CFAP299: variants seen among roughly 807,000 people sequenced by gnomAD.
CFAP299 encodes cilia and flagella associated protein 299, also known as cilia- and flagella-associated protein 299.
Under a neutral mutation model 27.0 loss-of-function variants are expected in CFAP299, and 21 were observed. The ratio of observed to expected loss-of-function variants is 0.78; its 90% confidence interval spans 0.55 to 1.12. The LOEUF (loss-of-function observed/expected upper bound fraction) is 1.12. CFAP299 is among the 50% of genes most tolerant of loss of function. CFAP299 has a pLI of 0.00. For synonymous variants in CFAP299, 104 were observed against 98.1 expected (o/e 1.06, Z -0.36); for missense variants, 310 against 276.6 (o/e 1.12, Z -0.86).
At chr4:80,953,424 G>T (rs999568101) in intron 5 of CFAP299, among the ~76,000 whole-genome samples, 2 of 152,096 alleles carry the variant, frequency 1.3e-5, no homozygotes, top group Non-Finnish European at 2.9e-5. Context: ...TCTCCTCTGG[G>T]TAATCACCTG....
intron 4 of CFAP299, among the ~76,000 whole-genome samples, chr4:80,925,827 T>C (rs1272694178): frequency 6.6e-6 from 1 of 152,102 alleles, no homozygotes; most frequent in African/African-American, 2.4e-5. Context: ...GAACATTTAT[T>C]GGAACTGGCC....
At chr4:80,669,833 C>T (rs1474345535) in intron 3 of CFAP299, among the ~76,000 whole-genome samples, 1 of 151,318 alleles carries the variant, frequency 6.6e-6, no homozygotes, top group Non-Finnish European at 1.5e-5. Context: ...GGGTTTATTG[C>T]CTTCATTATT....
chr4:80,549,268 A>G (rs1399485839), intron 2 of CFAP299, among the ~76,000 whole-genome samples: 1 of 152,162 alleles, frequency 6.6e-6, no homozygotes, highest in East Asian at 1.9e-4. Context: ...ATGCTATTAT[A>G]ATAAACATAA....
intron 1 of CFAP299, among the ~76,000 whole-genome samples, chr4:80,342,588 G>C (rs770505285): frequency 3.9e-5 from 6 of 152,120 alleles, no homozygotes; most frequent in Non-Finnish European, 7.4e-5. Flanking sequence ...TAGCACAGGA[G>C]AAATAAGATC....
chr4:80,643,001 TAA>T (rs1310538756), intron 3 of CFAP299, among the ~76,000 whole-genome samples: 1 of 151,250 alleles, frequency 6.6e-6, no homozygotes, highest in Non-Finnish European at 1.5e-5. Context: ...GACGTTAAAT[TAA>T]AAGAGATGTA....
At chr4:80,868,639 C>T (rs1214378353) in intron 3 of CFAP299, among the ~76,000 whole-genome samples, 3 of 152,168 alleles carry the variant, frequency 2.0e-5, no homozygotes, top group Non-Finnish European at 2.9e-5. Flanking sequence ...CCCTGCTCTC[C>T]TCTCTGGGTT....
At chr4:80,663,297 C>A (rs1449280970) in intron 3 of CFAP299, among the ~76,000 whole-genome samples, 1 of 151,978 alleles carries the variant, frequency 6.6e-6, no homozygotes, top group Non-Finnish European at 1.5e-5. Context: ...GTCCCCCACC[C>A]CCTGACAGGC....
intron 3 of CFAP299, among the ~76,000 whole-genome samples, chr4:80,677,954 A>G (rs1269325651): frequency 6.6e-6 from 1 of 152,100 alleles, no homozygotes; most frequent in Non-Finnish European, 1.5e-5. Flanking sequence ...GCCAGTCTTC[A>G]GGGGATTCCT....
chr4:80,810,351 G>GACACACAC (rs70956066), intron 3 of CFAP299, among the ~76,000 whole-genome samples: 29 of 147,780 alleles, frequency 2.0e-4, no homozygotes, highest in African/African-American at 2.7e-4. Context: ...CCCAACCCCT[G>GACACACAC]ACACACACAC....
chr4:80,402,292 T>C (rs1726201766), intron 2 of CFAP299, among the ~76,000 whole-genome samples: 1 of 152,174 alleles, frequency 6.6e-6, no homozygotes, highest in Non-Finnish European at 1.5e-5. Context: ...ATGATTTGGC[T>C]GTGTCCCCAC....
At chr4:80,400,116 T>C (rs1333957825) in intron 2 of CFAP299, among the ~76,000 whole-genome samples, 5 of 152,210 alleles carry the variant, frequency 3.3e-5, no homozygotes, top group African/African-American at 1.2e-4. Context: ...TTTATGTCTG[T>C]ATGTTGATAT....
At chr4:80,445,515 G>A (rs1279428378) in intron 2 of CFAP299, among the ~76,000 whole-genome samples, 1 of 152,116 alleles carries the variant, frequency 6.6e-6, no homozygotes. Flanking sequence ...CATACACCGA[G>A]GCCTGTCAGG....
At chr4:80,801,316 C>A (rs573003845) in intron 3 of CFAP299, among the ~76,000 whole-genome samples, 2 of 151,754 alleles carry the variant, frequency 1.3e-5, no homozygotes, top group Non-Finnish European at 2.9e-5. Flanking sequence ...CCCAAGAAAG[C>A]ATTATGGAAT....
At chr4:80,522,735 A>G (rs1578550689) in intron 2 of CFAP299, among the ~76,000 whole-genome samples, 1 of 152,136 alleles carries the variant, frequency 6.6e-6, no homozygotes, top group East Asian at 1.9e-4. Context: ...TTTTCCCAGC[A>G]CTATTTGTTG....
At position 80,617,636 on chromosome 4, in the gene CFAP299, C is replaced by T. The variant is rs544389051; in HGVS notation, c.333+34453C>T. ...TTCAAATTACTTCCATTAAGGGTGG[C>T]AGACATAAATTCCCACTTAATGTTA... On this transcript the variant is annotated intron_variant, in intron 3 of 5. Transcript: ENST00000358105. Among the ~76,000 whole-genome samples, 37 of 152,200 alleles carry T rather than the reference C, an allele frequency of 2.4e-4. No homozygotes were observed. In the South Asian group the frequency reaches 7.5e-3, roughly 31 times the overall value.
intron 2 of CFAP299, among the ~76,000 whole-genome samples, chr4:80,546,199 C>G (rs867783872): frequency 7.9e-5 from 12 of 152,208 alleles, no homozygotes; most frequent in African/African-American, 2.9e-4. Flanking sequence ...GACAAGGATG[C>G]CTACTCTCAC....
intron 3 of CFAP299, among the ~76,000 whole-genome samples, chr4:80,855,906 C>A (rs554409592): frequency 8.3e-4 from 126 of 151,840 alleles, no homozygotes; most frequent in South Asian, 1.5e-3. Flanking sequence ...ATTTATAGTC[C>A]TTTGGGTATA....
intron 2 of CFAP299, among the ~76,000 whole-genome samples, chr4:80,413,614 A>G (rs1726840431): frequency 6.6e-6 from 1 of 152,198 alleles, no homozygotes; most frequent in Non-Finnish European, 1.5e-5. Flanking sequence ...GATGGAATAA[A>G]CAGAAATTCA....
At chr4:80,657,195 A>T (rs911713437) in intron 3 of CFAP299, among the ~76,000 whole-genome samples, 1 of 151,934 alleles carries the variant, frequency 6.6e-6, no homozygotes, top group African/African-American at 2.4e-5. Flanking sequence ...CACGCTGATG[A>T]TAGTTTCTTT....
Sources: allele counts gnomAD v4.1 joint callset (sites outside exome capture counted in the v4.1 genomes callset), GRCh38; gene constraint gnomAD v4.1.1; transcripts MANE v1.5; gene names NCBI Gene and HGNC (gene_info 2026-07-23, HGNC 2026-07-21).